HDAC9: variants seen among roughly 807,000 people sequenced by gnomAD.
HDAC9 encodes MEF-2 interacting transcription repressor (MITR) protein.
Under a neutral mutation model 139.4 loss-of-function variants are expected in HDAC9, and 41 were observed. The observed-to-expected ratio is 0.29, with a 90% CI of 0.23 to 0.38. The LOEUF (loss-of-function observed/expected upper bound fraction) is 0.38. Ranked by LOEUF, HDAC9 falls within the 10% of genes least tolerant of loss-of-function variation. The pLI is 1.00. For missense variants in HDAC9, 1,147 were observed against 1,297.0 expected (o/e 0.88, Z 1.78); for synonymous variants, 517 against 476.2 (o/e 1.09, Z -1.12).
chr7:18,576,014 G>T (rs1271318231), intron 2 of HDAC9, among the ~76,000 whole-genome samples: 1 of 152,170 alleles, frequency 6.6e-6, no homozygotes, highest in African/African-American at 2.4e-5. Context: ...ATAAAACTCA[G>T]AAAAACATCT....
At chr7:18,591,101 A>G (rs1830814443) in intron 4 of HDAC9, among the ~76,000 whole-genome samples, 1 of 152,170 alleles carries the variant, frequency 6.6e-6, no homozygotes, top group Non-Finnish European at 1.5e-5. Context: ...TCAAACTAGC[A>G]ACTCAGAAAA....
Position 18,456,388 on chromosome 7 carries a change from A to G in HDAC9, c.-41-39874A>G, listed in dbSNP as rs147688392. On this transcript the variant is annotated intron_variant, in intron 1 of 3. Transcript: ENST00000413509. ...AGTTACTGGGACACAGGCACATGCC[A>G]CCATGCCTGGCTAATTTTTGTATTT... 4.2e-3 allele frequency among the ~76,000 whole-genome samples: 637 copies of G among 152,108 alleles called. 1 individual carries two copies. Among genetic ancestry groups the G allele is most frequent in the African/African-American group, 0.014 (588 of 41,494 alleles).
intron 17 of HDAC9, among the ~76,000 whole-genome samples, chr7:18,821,105 C>A (rs1369990070): frequency 6.6e-6 from 1 of 152,178 alleles, no homozygotes; most frequent in African/African-American, 2.4e-5. Context: ...GACACTGTGT[C>A]CTTACAGGGT....
At chr7:18,513,713 C>T (rs1217799194) in intron 2 of HDAC9, among the ~76,000 whole-genome samples, 1 of 152,210 alleles carries the variant, frequency 6.6e-6, no homozygotes, top group Non-Finnish European at 1.5e-5. Flanking sequence ...GCTGTCTTCT[C>T]TGGCATCTGT....
At chr7:18,466,004 T>G (rs903543171) in intron 1 of HDAC9, among the ~76,000 whole-genome samples, 1 of 152,198 alleles carries the variant, frequency 6.6e-6, no homozygotes, top group Non-Finnish European at 1.5e-5. Context: ...CAGACTAAAA[T>G]CAAAGTATTA....
At chr7:18,193,179 C>G (rs1790478399) in intron 2 of HDAC9, among the ~76,000 whole-genome samples, 1 of 152,078 alleles carries the variant, frequency 6.6e-6, no homozygotes, top group Non-Finnish European at 1.5e-5. Flanking sequence ...GTAGTTGGTG[C>G]TTGTAATACC....
intron 14 of HDAC9, among the ~76,000 whole-genome samples, chr7:18,750,918 G>A (rs1359037838): frequency 1.3e-5 from 2 of 152,166 alleles, no homozygotes; most frequent in Non-Finnish European, 2.9e-5. Context: ...TCCTGCGGCA[G>A]CTGGCCTGGT....
intron 1 of HDAC9, among the ~76,000 whole-genome samples, chr7:18,102,482 A>G (rs534992473): frequency 3.3e-5 from 5 of 152,326 alleles, no homozygotes; most frequent in East Asian, 1.9e-4. Flanking sequence ...TTACATGGCT[A>G]TGTTTCCAAT....
At chr7:18,104,207 T>A (rs1783046599) in intron 1 of HDAC9, among the ~76,000 whole-genome samples, 1 of 152,018 alleles carries the variant, frequency 6.6e-6, no homozygotes, top group Non-Finnish European at 1.5e-5. Flanking sequence ...TGAAATGACA[T>A]TATTTGAGAA....
chr7:18,157,849 G>GAGAGAGAGAGAGAC (rs1329240003), intron 1 of HDAC9, among the ~76,000 whole-genome samples: 1 of 144,370 alleles, frequency 6.9e-6, no homozygotes, highest in Non-Finnish European at 1.5e-5. Flanking sequence ...GAGAGAGAGA[G>GAGAGAGAGAGAGAC]AGACTGAGGA....
At chr7:18,419,767 C>T (rs1444453116) in intron 1 of HDAC9, among the ~76,000 whole-genome samples, 1 of 152,056 alleles carries the variant, frequency 6.6e-6, no homozygotes, top group Non-Finnish European at 1.5e-5. Flanking sequence ...TTAAGATCTC[C>T]TAAAATATTT....
chr7:18,491,757 A>G (rs1166393459), upstream of HDAC9, among the ~76,000 whole-genome samples: 1 of 151,964 alleles, frequency 6.6e-6, no homozygotes, highest in African/African-American at 2.4e-5. Flanking sequence ...AGCCTGCCCT[A>G]GTTCTCAGAC....
rs189165000 is a variant in HDAC9, at chr7:18,668,990, C to T, written c.1731+2514C>T. 326 of 639,004 alleles carry T rather than the reference C, an allele frequency of 5.1e-4. 5 individuals carry two copies. The highest frequency in any genetic ancestry group is 2.1e-4 in the South Asian group (3 of 14,356). 39.6% of individuals were successfully genotyped at this position (639,004 alleles called of 1,614,324 possible). ...CATTTTGAGCAGTTACATCTAATACCATTAAAAACAATAAATTCAGCAATA... is the reference window on the plus strand; with the variant it reads ...CATTTTGAGCAGTTACATCTAATACTATTAAAAACAATAAATTCAGCAATA... On this transcript the variant is annotated intron_variant, in intron 12 of 25. Coordinates refer to ENST00000686413, the MANE Select transcript of HDAC9 (RefSeq NM_178425.4).
chr7:18,498,311 CT>C (rs1797472398), intron 2 of HDAC9, among the ~76,000 whole-genome samples: 1 of 152,036 alleles, frequency 6.6e-6, no homozygotes, highest in Admixed American at 6.6e-5. Context: ...ACCAGAAGCA[CT>C]TTACAAAATA....
intron 1 of HDAC9, among the ~76,000 whole-genome samples, chr7:18,476,653 T>A (rs1249744549): frequency 9.2e-5 from 14 of 152,196 alleles, no homozygotes; most frequent in African/African-American, 3.1e-4. Flanking sequence ...GCCAAATGAT[T>A]ATCATACAGT....
At chr7:18,566,341 A>AT (rs1307741179) in intron 2 of HDAC9, among the ~76,000 whole-genome samples, 2 of 152,166 alleles carry the variant, frequency 1.3e-5, no homozygotes, top group Non-Finnish European at 2.9e-5. Context: ...ATTCTCTATC[A>AT]TTTCTTATCT....
At chr7:18,242,888 C>T (rs528059364) in intron 2 of HDAC9, among the ~76,000 whole-genome samples, 1 of 152,294 alleles carries the variant, frequency 6.6e-6, no homozygotes, top group South Asian at 2.1e-4. Context: ...ATCTGCATCA[C>T]ATTTGTTGAC....
chr7:18,738,809 C>G (rs1007564929), intron 13 of HDAC9, among the ~76,000 whole-genome samples: 2 of 152,150 alleles, frequency 1.3e-5, no homozygotes, highest in African/African-American at 4.8e-5. Context: ...GTTGGCCTGC[C>G]TTGTGAGGTT....
In HDAC9 at chr7:18,187,902, T is replaced by C. The variant is rs145074090; in HGVS notation, c.25+25553T>C. Reference sequence around the variant, plus strand: ...ACAAAATTCATGTTTCCCAGGCTTGTCTGATAAGAATCACCTGGGGCTAAA... The same window carrying C: ...ACAAAATTCATGTTTCCCAGGCTTGCCTGATAAGAATCACCTGGGGCTAAA... On this transcript the variant is annotated intron_variant, in intron 2 of 12. Coordinates refer to the HDAC9 transcript ENST00000417496. Among the ~76,000 whole-genome samples, 2 of 152,318 alleles carry C rather than the reference T, an allele frequency of 1.3e-5. 1 individual carries two copies. Among genetic ancestry groups the C allele is most frequent in the African/African-American group, 4.8e-5 (2 of 41,570 alleles).
Sources: gnomAD v4.1 joint callset for allele counts (sites outside exome capture counted in the v4.1 genomes callset) on GRCh38, gnomAD v4.1.1 for gene constraint, MANE v1.5 for transcripts, NCBI Gene and HGNC (gene_info 2026-07-23, HGNC 2026-07-21) for gene names.